Variants in MYO6 observed in about 807,000 individuals in gnomAD.
The protein encoded by MYO6 is unconventional myosin-VI.
MYO6 carries 74 observed loss-of-function variants against 178.7 expected under a neutral mutation model. The observed-to-expected ratio is 0.41, with a 90% CI of 0.34 to 0.50. The LOEUF is 0.50. MYO6 is among the 20% of genes least tolerant of loss of function. The probability of loss-of-function intolerance (pLI) is 0.09; values close to 1 mark genes in which losing one functional copy is unlikely to be tolerated. For missense variants in MYO6, 1,330 were observed against 1,547.4 expected, an observed-to-expected ratio of 0.86 and a Z score of 2.36; for synonymous variants, 477 against 504.6, an observed-to-expected ratio of 0.95 and a Z score of 0.73.
At chr6:75,793,461 A>G (rs1298172636) in intron 1 of MYO6, among the ~76,000 whole-genome samples, 5 of 151,986 alleles carry the variant, frequency 3.3e-5, no homozygotes, top group Non-Finnish European at 7.4e-5. Flanking sequence ...AAAATTAGCC[A>G]GACATGGTGG....
intron 1 of MYO6, among the ~76,000 whole-genome samples, chr6:75,816,922 T>G (rs1771310067): frequency 6.6e-6 from 1 of 152,214 alleles, no homozygotes; most frequent in South Asian, 2.1e-4. Flanking sequence ...GTCAGAGGGT[T>G]GTACTCTACT....
intron 2 of MYO6, among the ~76,000 whole-genome samples, chr6:75,820,009 A>C (rs1441951557): frequency 1.3e-5 from 2 of 152,106 alleles, no homozygotes; most frequent in African/African-American, 2.4e-5. Context: ...GTGCCACTGC[A>C]CTCTAGCCTG....
chr6:75,802,782 T>A (rs1769619140), intron 1 of MYO6, among the ~76,000 whole-genome samples: 1 of 152,148 alleles, frequency 6.6e-6, no homozygotes, highest in African/African-American at 2.4e-5. Flanking sequence ...CCACTGCACC[T>A]GGTGGAAAAA....
At chr6:75,888,248 C>T (rs1411106803) in intron 25 of MYO6, among the ~76,000 whole-genome samples, 4 of 152,030 alleles carry the variant, frequency 2.6e-5, no homozygotes, top group Non-Finnish European at 5.9e-5. Context: ...TGCCACTGCA[C>T]TCCTGCCTCA....
intron 3 of MYO6, among the ~76,000 whole-genome samples, chr6:75,824,675 T>C (rs557808372): frequency 1.3e-5 from 2 of 152,300 alleles, no homozygotes; most frequent in Admixed American, 1.3e-4. Context: ...TTCTGAAGTA[T>C]GTGTTGAAGG....
At chr6:75,821,113 G>T (rs1316239978) in intron 2 of MYO6, among the ~76,000 whole-genome samples, 1 of 152,146 alleles carries the variant, frequency 6.6e-6, no homozygotes, top group African/African-American at 2.4e-5. Context: ...AGGAGGGAGA[G>T]AAAACACCTT....
intron 1 of MYO6, among the ~76,000 whole-genome samples, chr6:75,774,997 T>A (rs1328148368): frequency 1.3e-5 from 2 of 152,138 alleles, no homozygotes; most frequent in African/African-American, 4.8e-5. Context: ...TTTCACCATG[T>A]TGGCTAGGGT....
intron 30 of MYO6, among the ~76,000 whole-genome samples, chr6:75,902,557 G>T (rs1274852490): frequency 2.0e-5 from 3 of 152,052 alleles, no homozygotes; most frequent in Non-Finnish European, 4.4e-5. Flanking sequence ...TATTTCTGTG[G>T]GATCGGTGGT....
At chr6:75,909,181 C>G (rs150891908) in intron 32 of MYO6, among the ~76,000 whole-genome samples, 1 of 152,196 alleles carries the variant, frequency 6.6e-6, no homozygotes, top group Non-Finnish European at 1.5e-5. Context: ...TGAGCTACTG[C>G]TCCCACCCCT....
At chr6:75,783,190 T>C (rs1386238321) in intron 1 of MYO6, among the ~76,000 whole-genome samples, 1 of 152,188 alleles carries the variant, frequency 6.6e-6, no homozygotes, top group Non-Finnish European at 1.5e-5. Context: ...ATTCTGGGAT[T>C]ACAGGTATTA....
At chr6:75,842,483 C>T (rs781523707) in intron 9 of MYO6, among the ~76,000 whole-genome samples, 5 of 152,152 alleles carry the variant, frequency 3.3e-5, no homozygotes, top group South Asian at 2.1e-4. Context: ...TGTGTGTGTG[C>T]GTGTGTGTTT....
At chr6:75,821,546 A>C (rs1463379081) in intron 2 of MYO6, among the ~76,000 whole-genome samples, 4 of 152,036 alleles carry the variant, frequency 2.6e-5, no homozygotes, top group Admixed American at 6.6e-5. Flanking sequence ...CTATGGCATA[A>C]CAGTTTTCTA....
chr6:75,805,021 A>ATATATATATATATTT lies in MYO6; in HGVS notation c.-47-12479_-47-12478insATATATATATATTTT, dbSNP rs1252912172. On this transcript the variant is annotated intron_variant, in intron 1 of 34. Coordinates refer to ENST00000369977, the MANE Select transcript of MYO6 (RefSeq NM_004999.4). ...CACACACATATATATATATATATAT[A>ATATATATATATATTT]TTTTTTTTTTTTTTTTTTTTGAGAC... Among the ~76,000 whole-genome samples the ATATATATATATATTT allele has an allele frequency of 3.1e-4, 24 of 77,278 alleles. 1 individual carries two copies. Among genetic ancestry groups the ATATATATATATATTT allele is most frequent in the African/African-American group, 1.1e-3 (11 of 9,842 alleles). The allele number at this position is 77,278 out of a possible 152,430, so 50.7% of individuals were successfully genotyped here.
chr6:75,815,402 G>A (rs150929081), intron 1 of MYO6, among the ~76,000 whole-genome samples: 41 of 152,296 alleles, frequency 2.7e-4, no homozygotes, highest in Middle Eastern at 3.4e-3. Context: ...ATGAAGAGGT[G>A]TCCAGTAGAC....
chr6:75,804,691 A>G (rs1402402812), intron 1 of MYO6, among the ~76,000 whole-genome samples: 1 of 152,066 alleles, frequency 6.6e-6, no homozygotes, highest in Non-Finnish European at 1.5e-5. Flanking sequence ...GTAGGTGGCT[A>G]AATAAATAAT....
At chr6:75,896,994 A>G (rs1779356746) in intron 29 of MYO6, among the ~76,000 whole-genome samples, 1 of 152,252 alleles carries the variant, frequency 6.6e-6, no homozygotes, top group Non-Finnish European at 1.5e-5. Context: ...GGTCTAGGTC[A>G]GGTGTATCTT....
intron 1 of MYO6, among the ~76,000 whole-genome samples, chr6:75,769,883 C>T (rs888340621): frequency 2.6e-5 from 4 of 151,728 alleles, no homozygotes; most frequent in East Asian, 1.9e-4. Context: ...CTGGGCTACA[C>T]GGTGAGACTC....
At chr6:75,848,611 T>C (rs2150279856) in intron 11 of MYO6, 80 bp downstream of exon 11, 1 of 1,415,710 alleles carries the variant, frequency 7.1e-7, no homozygotes. Context: ...ATTGTCTCTT[T>C]ATATGCAGTT....
At chr6:75,889,476 C>T (rs1417514576) in intron 25 of MYO6, among the ~76,000 whole-genome samples, 9 of 152,116 alleles carry the variant, frequency 5.9e-5, no homozygotes, top group Admixed American at 4.6e-4. Flanking sequence ...GGCATGATCT[C>T]GGTTCACTGT....
Sources: gnomAD v4.1 joint callset for allele counts (sites outside exome capture counted in the v4.1 genomes callset) on GRCh38, gnomAD v4.1.1 for gene constraint, MANE v1.5 for transcripts, NCBI Gene and HGNC (gene_info 2026-07-23, HGNC 2026-07-21) for gene names.